NMRK1: variants seen among roughly 807,000 people sequenced by gnomAD.
NMRK1 encodes the protein NRK 1.
A neutral mutation model predicts 29.9 loss-of-function variants in NMRK1; 28 were observed. The ratio of observed to expected loss-of-function variants is 0.94; its 90% confidence interval spans 0.69 to 1.28. The LOEUF is 1.28. NMRK1 is among the 50% of genes most tolerant of loss of function. The pLI, the probability that NMRK1 is intolerant of heterozygous loss-of-function variation, is 0.00. For synonymous variants in NMRK1, 58 were observed against 73.0 expected (o/e 0.79, Z 1.05); for missense variants, 218 against 233.1 (o/e 0.94, Z 0.42).
intron 1 of NMRK1, among the ~76,000 whole-genome samples, chr9:75,085,716 T>G (rs530375485): frequency 6.4e-5 from 9 of 140,392 alleles, no homozygotes; most frequent in Non-Finnish European, 1.4e-4. Flanking sequence ...TCAGATACAG[T>G]CAAATGTAAG....
At chr9:75,077,991 G>GA (rs1303510491) in intron 2 of NMRK1, among the ~76,000 whole-genome samples, 2 of 151,942 alleles carry the variant, frequency 1.3e-5, no homozygotes, top group African/African-American at 2.4e-5. Context: ...TACTATTTAA[G>GA]AAAAAAATGA....
intron 2 of NMRK1, among the ~76,000 whole-genome samples, chr9:75,079,864 C>G (rs572373726): frequency 6.6e-6 from 1 of 152,190 alleles, no homozygotes; most frequent in African/African-American, 2.4e-5. Context: ...ACAACCACCA[C>G]GTGTAGCTTG....
chr9:75,074,805 T>G lies in NMRK1; in HGVS notation c.169+2354A>C, dbSNP rs1385984525. Among the ~76,000 whole-genome samples the G allele has an allele frequency of 3.9e-5, 6 of 152,262 alleles. No individual in the cohort carries two copies. In the South Asian group the frequency reaches 1.0e-3, roughly 26 times the overall value. Reference sequence around the variant, plus strand: ...TTCCACATTTTAAAACTATCCTGTTTGTGCTCAGAAAGCCTTGACTAGTAC... The same window carrying G: ...TTCCACATTTTAAAACTATCCTGTTGGTGCTCAGAAAGCCTTGACTAGTAC... On this transcript the variant is annotated intron_variant, in intron 4 of 8. Transcript: ENST00000361092.
At chr9:75,061,734 T>C (rs532543590) in intron 8 of NMRK1, among the ~76,000 whole-genome samples, 167 bp from the exon 9 acceptor site, 18 of 152,368 alleles carry the variant, frequency 1.2e-4, no homozygotes, top group Middle Eastern at 6.8e-3. Context: ...CCCATTCTTT[T>C]AATCCCTGCA....
chr9:75,067,762 G>C (rs1387921777), intron 7 of NMRK1, among the ~76,000 whole-genome samples: 1 of 152,200 alleles, frequency 6.6e-6, no homozygotes, highest in African/African-American at 2.4e-5. Flanking sequence ...GGTGCAGCCA[G>C]AATCTCAGCA....
intron 4 of NMRK1, among the ~76,000 whole-genome samples, chr9:75,074,614 T>C (rs928278888): frequency 6.6e-6 from 1 of 152,162 alleles, no homozygotes; most frequent in Admixed American, 6.5e-5. Context: ...CTTGAACCCC[T>C]TGGACTCAAG....
intron 8 of NMRK1, among the ~76,000 whole-genome samples, chr9:75,065,379 A>C (rs1240369445): frequency 6.6e-6 from 1 of 152,144 alleles, no homozygotes; most frequent in Non-Finnish European, 1.5e-5. Context: ...CATGTTGGCC[A>C]GGATGGTCTG....
At chr9:75,072,425 A>G (rs1823753072) in intron 4 of NMRK1, among the ~76,000 whole-genome samples, 1 of 152,238 alleles carries the variant, frequency 6.6e-6, no homozygotes, top group African/African-American at 2.4e-5. Context: ...TCATTCAGTT[A>G]AAAATATTTT....
chr9:75,073,475 C>T (rs1427410364), intron 4 of NMRK1, among the ~76,000 whole-genome samples: 1 of 152,116 alleles, frequency 6.6e-6, no homozygotes, highest in Non-Finnish European at 1.5e-5. Context: ...CGTGGTGGCT[C>T]ACACCTGTAT....
At chr9:75,064,576 A>G (rs1823230747) in intron 8 of NMRK1, among the ~76,000 whole-genome samples, 2 of 152,236 alleles carry the variant, frequency 1.3e-5, no homozygotes, top group African/African-American at 2.4e-5. Flanking sequence ...TTGCAAGAAG[A>G]AAATTTAAAA....
In NMRK1 at chr9:75,061,328, C is replaced by G; in HGVS notation, c.*220G>C. ...CACTGTGAGCTCTGCTGTATCTATGCGCTCCCTGGAGAGGGAGCAACTTGC... is the reference window on the plus strand; with the variant it reads ...CACTGTGAGCTCTGCTGTATCTATGGGCTCCCTGGAGAGGGAGCAACTTGC... On this transcript the variant is annotated 3_prime_UTR_variant, in exon 9 of 9. Transcript: ENST00000361092. 2.0e-6 allele frequency: 1 copy of G among 500,892 alleles called. No homozygotes were observed. Among genetic ancestry groups the G allele is most frequent in the Non-Finnish European group, 3.5e-6 (1 of 284,000 alleles). The allele number at this position is 500,892 out of a possible 1,614,324, so 31.0% of individuals were successfully genotyped here.
In NMRK1 at chr9:75,077,066, A is replaced by C. The variant is rs904682712; in HGVS notation, c.169+93T>G. On this transcript the variant is annotated intron_variant, in intron 4 of 8. Coordinates refer to ENST00000361092, the MANE Select transcript of NMRK1 (RefSeq NM_017881.3). ...AGTTCTTTTTTTAAATTTTTGTTCC[A>C]CAGAACCATCAACTTCAACATAGTG... The C allele has an allele frequency of 5.3e-6, 4 of 753,190 alleles. No individual in the cohort carries two copies. The African/African-American group carries it at 5.4e-5, about 10-fold the overall frequency. The allele number at this position is 753,190 out of a possible 1,614,324, so 46.7% of individuals were successfully genotyped here.
At position 75,066,740 on chromosome 9, in the gene NMRK1, G is replaced by A. The variant is rs2118027138; in HGVS notation, c.580+17C>T. The A allele has an allele frequency of 7.0e-7, 1 of 1,429,044 alleles. No homozygotes were observed. Among genetic ancestry groups the A allele is most frequent in the East Asian group, 2.3e-5 (1 of 43,932 alleles). The allele number at this position is 1,429,044 out of a possible 1,614,324, so 88.5% of individuals were successfully genotyped here. A position where few individuals can be genotyped will look rare whatever the true frequency, so the allele number is the denominator to read the frequency against. ...CTGTTTCTCCTCTACCATCCACTTTGTTAGCACAATACTTACACTTTTGCT... is the reference window on the plus strand; with the variant it reads ...CTGTTTCTCCTCTACCATCCACTTTATTAGCACAATACTTACACTTTTGCT... On this transcript the variant is annotated intron_variant, in intron 8 of 8. Transcript: ENST00000361092.
At chr9:75,074,046 TA>T (rs1285636913) in intron 4 of NMRK1, among the ~76,000 whole-genome samples, 1 of 152,136 alleles carries the variant, frequency 6.6e-6, no homozygotes, top group Non-Finnish European at 1.5e-5. Flanking sequence ...TATGTCCTTA[TA>T]CATATCCTTT....
rs1824071781 is a variant in NMRK1 at position 75,077,568 on chromosome 9, ACT to A, written c.40_41del (p.Ser14TrpfsTer7). 3 of 1,612,420 alleles carry A rather than the reference ACT, an allele frequency of 1.9e-6. No homozygotes were observed. The highest frequency in any genetic ancestry group is 2.5e-6 in the Non-Finnish European group (3 of 1,178,624). On this transcript the variant is annotated frameshift_variant, in exon 3 of 9. Transcript: ENST00000361092. LOFTEE classifies it high-confidence loss of function. Reference sequence around the variant, plus strand: ...AATTCTTAGCCAGTGTTGTTTTGCCACTGTTTGTCACACTGAAGCAAAGAAAA... The same window carrying A: ...AATTCTTAGCCAGTGTTGTTTTGCCAGTTTGTCACACTGAAGCAAAGAAAA... ...FIIGISGVTN[S>X]GKTTLAKNLQ...
In NMRK1 at chr9:75,064,903, A is replaced by G. The variant is rs368333188; in HGVS notation, c.580+1854T>C. Among the ~76,000 whole-genome samples, 60 of 152,374 alleles carry G rather than the reference A, an allele frequency of 3.9e-4. No homozygotes were observed. The South Asian group carries it at 0.012, about 32-fold the overall frequency. On this transcript the variant is annotated intron_variant, in intron 8 of 8. Coordinates refer to ENST00000361092, the MANE Select transcript of NMRK1 (RefSeq NM_017881.3). ...TTCTTTTAATTCAAATAGTTCAAAT[A>G]TAACAACAGCTACATCTACAGTTTT... is the stretch of plus-strand genomic sequence containing the variant.
At chr9:75,065,358 C>A (rs190119894) in intron 8 of NMRK1, among the ~76,000 whole-genome samples, 1 of 152,014 alleles carries the variant, frequency 6.6e-6, no homozygotes, top group East Asian at 1.9e-4. Flanking sequence ...TTAGTAGAGA[C>A]GGGGTTTCAC....
intron 7 of NMRK1, chr9:75,067,278 T>C (rs1044565402): frequency 5.1e-5 from 8 of 157,782 alleles, no homozygotes; most frequent in Admixed American, 4.9e-4. Context: ...CTGCAACATA[T>C]GTACAAACTC....
At chr9:75,074,590 T>C (rs1038691079) in intron 4 of NMRK1, among the ~76,000 whole-genome samples, 2 of 152,146 alleles carry the variant, frequency 1.3e-5, no homozygotes, top group Non-Finnish European at 2.9e-5. Context: ...TTTTGCCATG[T>C]TGCTCAGGCT....
Sources: gnomAD v4.1 joint callset for allele counts (sites outside exome capture counted in the v4.1 genomes callset) on GRCh38, gnomAD v4.1.1 for gene constraint, MANE v1.5 for transcripts, NCBI Gene and HGNC (gene_info 2026-07-23, HGNC 2026-07-21) for gene names.